SLC7A6: variants seen among roughly 807,000 people sequenced by gnomAD.
SLC7A6 encodes solute carrier family 7 member 6.
Under a neutral mutation model 46.6 loss-of-function variants are expected in SLC7A6, and 29 were observed. The ratio of observed to expected loss-of-function variants is 0.62; its 90% confidence interval spans 0.46 to 0.85. The LOEUF (loss-of-function observed/expected upper bound fraction) is 0.85. Among genes scored for constraint, SLC7A6 ranks in the 40% least tolerant of loss-of-function variants. The pLI is 0.00. For missense variants in SLC7A6, 527 were observed against 647.6 expected (o/e 0.81, Z 2.02); for synonymous variants, 276 against 257.3 (o/e 1.07, Z -0.70).
chr16:68,296,489 G>C lies in SLC7A6; in HGVS notation c.1245G>C (p.Glu415Asp). ...GACAGCTCTACCTCCGCTGGAAGGA[G>C]CCCAAGCGGCCCCGGCCTCTCAAGG... ...VVGQLYLRWK[E>D]PKRPRPLKLS... Residue 415 changes from glutamate to aspartate, a missense_variant, in exon 9 of 11, where the codon GAG (glutamate) becomes GAC (aspartate). Coordinates refer to ENST00000219343, the MANE Select transcript of SLC7A6 (RefSeq NM_003983.6). 6.2e-7 allele frequency: 1 copy of C among 1,614,176 alleles called. No individual in the cohort carries two copies. Among genetic ancestry groups the C allele is most frequent in the Non-Finnish European group, 8.5e-7 (1 of 1,180,050 alleles).
At position 68,297,234 on chromosome 16, in the gene SLC7A6, C is replaced by G. The variant is rs1273894337; in HGVS notation, c.1454C>G (p.Ala485Gly). Residue 485 changes from alanine (A) to glycine (G), a missense_variant and splice_region_variant, in exon 11 of 11, where the codon GCT (alanine) becomes GGT (glycine). Coordinates refer to ENST00000219343, the MANE Select transcript of SLC7A6 (RefSeq NM_003983.6). ...RRPLFIRNVL[A>G]AITRGTQQLC... is the part of the protein sequence containing the mutation. ...CTGTGCTTGCTCTATTTTCATTTAG[C>G]TGCTATCACCAGAGGCACCCAGCAG... The G allele has an allele frequency of 5.6e-6, 9 of 1,613,528 alleles. No homozygotes were observed. Among genetic ancestry groups the G allele is most frequent in the Non-Finnish European group, 7.6e-6 (9 of 1,179,772 alleles).
Position 68,296,490 on chromosome 16 carries a change from C to G in SLC7A6, c.1246C>G (p.Pro416Ala). ...VGQLYLRWKE[P>A]KRPRPLKLSV... ...ACAGCTCTACCTCCGCTGGAAGGAG[C>G]CCAAGCGGCCCCGGCCTCTCAAGGT... is the stretch of plus-strand genomic sequence containing the variant. The change falls in exon 9 of 11, where the codon CCC (proline) becomes GCC (alanine). Residue 416 changes from proline (P) to alanine (A), a missense_variant. Coordinates refer to ENST00000219343, the MANE Select transcript of SLC7A6 (RefSeq NM_003983.6). The G allele has an allele frequency of 6.2e-7, 1 of 1,614,140 alleles. No individual in the cohort carries two copies. The highest frequency in any genetic ancestry group is 8.5e-7 in the Non-Finnish European group (1 of 1,180,032).
At chr16:68,270,414 G>C (rs771314800) in intron 2 of SLC7A6, among the ~76,000 whole-genome samples, 3 of 151,944 alleles carry the variant, frequency 2.0e-5, no homozygotes, top group Admixed American at 6.6e-5. Flanking sequence ...GGGGTTTATG[G>C]TTTTTATTCT....
chr16:68,287,305 G>A (rs1485846734), intron 3 of SLC7A6: 7 of 1,288,066 alleles, frequency 5.4e-6, no homozygotes, highest in South Asian at 1.2e-5. Context: ...GCAAAACACT[G>A]TCTCTCTAAT....
At chr16:68,287,521 A>C in intron 3 of SLC7A6, 2 of 1,420,992 alleles carry the variant, frequency 1.4e-6, no homozygotes, top group South Asian at 2.6e-5. Context: ...GTGTTCACGC[A>C]TGCCTTCATA....
intron 3 of SLC7A6, among the ~76,000 whole-genome samples, chr16:68,278,889 G>A (rs1389467090): frequency 2.0e-5 from 3 of 151,582 alleles, no homozygotes; most frequent in African/African-American, 7.3e-5. Flanking sequence ...AGGGGCGGCC[G>A]GGCAGAGGCG....
chr16:68,277,658 G>A (rs564830124), intron 3 of SLC7A6, among the ~76,000 whole-genome samples: 6 of 149,874 alleles, frequency 4.0e-5, no homozygotes, highest in South Asian at 2.1e-4. Flanking sequence ...ATGGAGTTTC[G>A]CTCTTGCTGC....
Position 68,300,435 on chromosome 16 carries a change from T to C in SLC7A6, c.*3107T>C, listed in dbSNP as rs115112769. The C allele has an allele frequency of 2.6e-3, 441 of 172,712 alleles. 2 individuals carry two copies. The highest frequency in any genetic ancestry group is 0.01 in the African/African-American group (424 of 41,896). The allele number at this position is 172,712 out of a possible 1,614,324, so 10.7% of individuals were successfully genotyped here. On this transcript the variant is annotated 3_prime_UTR_variant, in exon 11 of 11. Coordinates refer to ENST00000219343, the MANE Select transcript of SLC7A6 (RefSeq NM_003983.6). The stretch of plus-strand genomic sequence containing the variant: ...TGATCCTGTTGATAGTAGTTTGTTT[T>C]TGTGGTGGGTGCTGTGAAGAGTAAA...
rs532334466 is a variant in SLC7A6 at position 68,301,222 on chromosome 16, G to A, written c.*3894G>A. The A allele has an allele frequency of 3.2e-6, 5 of 1,584,210 alleles. No individual in the cohort carries two copies. The South Asian group carries it at 5.7e-5, about 18-fold the overall frequency. On this transcript the variant is annotated 3_prime_UTR_variant, in exon 11 of 11. Transcript: ENST00000219343. The stretch of plus-strand genomic sequence containing the variant: ...GATGTCAGCAGGGCAGTTAACTCTG[G>A]ACTCAGAGCCCTCAAGGGCATGTGG...
In SLC7A6 at chr16:68,291,605, T is replaced by C; in HGVS notation, c.966T>C (p.Ile322=). 6.2e-7 allele frequency: 1 copy of C among 1,614,214 alleles called. No individual in the cohort carries two copies. The highest frequency in any genetic ancestry group is 8.5e-7 in the Non-Finnish European group (1 of 1,180,036). ...GCATGTTCAGCTGGACCATCCCCAT[T>C]GCTGTTGCCCTGTCCTGCTTTGGGG... The part of the protein sequence containing the change: ...TFGMFSWTIP[I]AVALSCFGGL... Residue 322 remains isoleucine (I), a synonymous_variant, in exon 7 of 11, where the codon ATT becomes ATC. Transcript: ENST00000219343.
chr16:68,301,559 T>A lies in SLC7A6; in HGVS notation c.*4231T>A, dbSNP rs993354961. ...AAAGAATATAGAATTCTTTTTTTTT[T>A]AAAGAAGGAATCACTTTCCTATCAT... On this transcript the variant is annotated 3_prime_UTR_variant, in exon 11 of 11. Coordinates refer to ENST00000219343, the MANE Select transcript of SLC7A6 (RefSeq NM_003983.6). 6 of 575,452 alleles carry A rather than the reference T, an allele frequency of 1.0e-5. No homozygotes were observed. The South Asian group carries it at 1.3e-4, about 12-fold the overall frequency. The allele number at this position is 575,452 out of a possible 1,614,324, so 35.6% of individuals were successfully genotyped here. A position where few individuals can be genotyped will look rare whatever the true frequency, so the allele number is the denominator to read the frequency against.
intron 7 of SLC7A6, among the ~76,000 whole-genome samples, chr16:68,293,444 C>T (rs1452742810): frequency 6.6e-6 from 1 of 152,084 alleles, no homozygotes; most frequent in African/African-American, 2.4e-5. Context: ...AAAGTAGTGT[C>T]ACCTTCCCTC....
In SLC7A6 at chr16:68,300,571, G is replaced by C. The variant is rs973393245; in HGVS notation, c.*3243G>C. On this transcript the variant is annotated 3_prime_UTR_variant, in exon 11 of 11. Coordinates refer to ENST00000219343, the MANE Select transcript of SLC7A6 (RefSeq NM_003983.6). The stretch of plus-strand genomic sequence containing the variant: ...ACCTTCTATTTCACTACCGCTCCCT[G>C]TTTTAGATATTCAGATTTAAAAGGT... 2 of 961,796 alleles carry C rather than the reference G, an allele frequency of 2.1e-6. No individual in the cohort carries two copies. Among genetic ancestry groups the C allele is most frequent in the Non-Finnish European group, 2.5e-6 (2 of 808,860 alleles). 59.6% of individuals were successfully genotyped at this position (961,796 alleles called of 1,614,324 possible).
chr16:68,285,653 T>C lies in SLC7A6; in HGVS notation c.524-2093T>C, dbSNP rs559400823. On this transcript the variant is annotated intron_variant, in intron 3 of 10. Transcript: ENST00000219343. ...TGTGTTCATTTTCACAGGCTGGCCA[T>C]AGGCACTTCTCTCCATTTGAATGGA... is the stretch of plus-strand genomic sequence containing the variant. 7.0e-4 allele frequency among the ~76,000 whole-genome samples: 107 copies of C among 152,338 alleles called. 2 individuals carry two copies. Among genetic ancestry groups the C allele is most frequent in the Non-Finnish European group, 1.3e-3 (89 of 68,036 alleles).
At chr16:68,282,100 T>C (rs1032452040) in intron 3 of SLC7A6, among the ~76,000 whole-genome samples, 1 of 152,214 alleles carries the variant, frequency 6.6e-6, no homozygotes, top group Non-Finnish European at 1.5e-5. Context: ...GAGTTCTCAG[T>C]AGAAAAGATA....
intron 2 of SLC7A6, among the ~76,000 whole-genome samples, chr16:68,269,543 G>A (rs751705149): frequency 2.0e-5 from 3 of 151,952 alleles, no homozygotes; most frequent in Non-Finnish European, 2.9e-5. Context: ...GCCAGCTTAC[G>A]GTTGGTTTGC....
chr16:68,291,797 G>GTGTGTGTGTGTGTGTGTGTC, intron 7 of SLC7A6, 136 bp downstream of exon 7: 1 of 713,176 alleles, frequency 1.4e-6, no homozygotes, highest in South Asian at 1.8e-5. Flanking sequence ...GTGTGTGTGT[G>GTGTGTGTGTGTGTGTGTGTC]TGTTTGGTAT....
chr16:68,297,339 T>TA lies in SLC7A6; in HGVS notation c.*11_*12insA, dbSNP rs1186695072. On this transcript the variant is annotated 3_prime_UTR_variant, in exon 11 of 11. Transcript: ENST00000219343. ...AGGAAAACTGACTAGAGGTCAGAGG[T>TA]GGCTTTCTGAGGCCTGGAAGGCAGG... 1 of 1,612,770 alleles carries TA rather than the reference T, an allele frequency of 6.2e-7. No homozygotes were observed. The highest frequency in any genetic ancestry group is 2.2e-5 in the East Asian group (1 of 44,860).
At chr16:68,279,758 C>T (rs758725249) in intron 3 of SLC7A6, among the ~76,000 whole-genome samples, 5 of 152,178 alleles carry the variant, frequency 3.3e-5, no homozygotes, top group Middle Eastern at 3.2e-3. Context: ...ATACTGGTCT[C>T]GAACTCCTGA....
Sources: gnomAD v4.1 joint callset for allele counts (sites outside exome capture counted in the v4.1 genomes callset) on GRCh38, gnomAD v4.1.1 for gene constraint, MANE v1.5 for transcripts, NCBI Gene and HGNC (gene_info 2026-07-23, HGNC 2026-07-21) for gene names.